Variants in ABCB11 observed in about 807,000 individuals in gnomAD.
The protein encoded by ABCB11 is bile salt export pump.
A neutral mutation model predicts 148.0 loss-of-function variants in ABCB11; 95 were observed. The ratio of observed to expected loss-of-function variants is 0.64; its 90% CI spans 0.54 to 0.76. The LOEUF is 0.76. Among genes scored for constraint, ABCB11 ranks in the 30% least tolerant of loss-of-function variants. The pLI, the probability that ABCB11 is intolerant of heterozygous loss-of-function variation, is 0.00. For missense variants in ABCB11, 1,523 were observed against 1,617.8 expected, an observed-to-expected ratio of 0.94 and a Z score of 1.01; for synonymous variants, 591 against 555.4, an observed-to-expected ratio of 1.06 and a Z score of -0.90.
At position 168,944,672 on chromosome 2, in the gene ABCB11, T is replaced by C. The variant is rs1284932204; in HGVS notation, c.2543A>G (p.Asp848Gly). The change falls in exon 21 of 28, where the codon GAT becomes GGT. Residue 848 changes from aspartate (D) to glycine (G), a missense_variant. Physicochemically the swap from Asp to Gly is moderately conservative, Grantham distance 94. Transcript: ENST00000650372. ...AMLGQDIAWF[D>G]DLRNSPGALT... ...TGCTCCAGGGCTATTTCTGAGGTCA[T>C]CAAACCAGGCAATATCTTGCCCCAG... 3.1e-6 allele frequency: 5 copies of C among 1,612,710 alleles called. No individual in the cohort carries two copies. The highest frequency in any genetic ancestry group is 4.2e-6 in the Non-Finnish European group (5 of 1,179,218).
intron 21 of ABCB11, among the ~76,000 whole-genome samples, chr2:168,936,739 A>T (rs891425496): frequency 1.3e-5 from 2 of 152,118 alleles, no homozygotes; most frequent in African/African-American, 4.8e-5. Context: ...CTGTCTGTAT[A>T]AATTTGCCTA....
At chr2:168,934,347 T>G (rs887521951) in intron 23 of ABCB11, among the ~76,000 whole-genome samples, 3 of 152,044 alleles carry the variant, frequency 2.0e-5, no homozygotes, top group Admixed American at 1.3e-4. Context: ...ATAGGACCAC[T>G]TTTCCTAATG....
Position 168,995,478 on chromosome 2 carries a change from C to T in ABCB11, c.482G>A (p.Cys161Tyr). The change falls in exon 7 of 28, where the codon TGC becomes TAC. Residue 161 changes from cysteine (C) to tyrosine (Y), a missense_variant. Physicochemically the swap from Cys to Tyr is radical, Grantham distance 194 (BLOSUM62 -2). Transcript: ENST00000650372. ...ACGAGCTGCGGCAATGACCCAAAAG[C>T]ATATCTGGAAATGGACAAAGGAATG... ...AVLITGYIQI[C>Y]FWVIAAARQI... 3 of 1,609,798 alleles carry T rather than the reference C, an allele frequency of 1.9e-6. No individual in the cohort carries two copies. Among genetic ancestry groups the T allele is most frequent in the Non-Finnish European group, 2.5e-6 (3 of 1,178,006 alleles).
chr2:168,950,607 C>T (rs1484075938), intron 19 of ABCB11, among the ~76,000 whole-genome samples: 2 of 151,522 alleles, frequency 1.3e-5, no homozygotes, highest in African/African-American at 2.4e-5. Context: ...TGCTCATGTC[C>T]TTCACCTACC....
rs562168377 is a variant in ABCB11, at chr2:168,931,547, T to C, written c.3214-685A>G. On this transcript the variant is annotated intron_variant, in intron 24 of 27. Coordinates refer to ENST00000650372, the MANE Select transcript of ABCB11 (RefSeq NM_003742.4). The stretch of plus-strand genomic sequence containing the variant: ...CCTATCTATCAATTAGAAGAACAGA[T>C]ATTTTGTTGAGATTGAATTAATTTT... Among the ~76,000 whole-genome samples, 5 of 152,324 alleles carry C rather than the reference T, an allele frequency of 3.3e-5. No homozygotes were observed. The East Asian group carries it at 9.7e-4, about 29-fold the overall frequency.
chr2:168,940,312 A>C (rs1020713840), intron 21 of ABCB11, among the ~76,000 whole-genome samples: 3 of 152,144 alleles, frequency 2.0e-5, no homozygotes, highest in African/African-American at 4.8e-5. Flanking sequence ...TTCTTGAAGG[A>C]AATTAAAAGT....
At chr2:168,971,263 G>A (rs1693567192) in intron 14 of ABCB11, among the ~76,000 whole-genome samples, 1 of 151,976 alleles carries the variant, frequency 6.6e-6, no homozygotes, top group African/African-American at 2.4e-5. Context: ...AACAGTGCCT[G>A]GTATGTAGTA....
At chr2:168,969,126 A>AG (rs1693449873) in intron 16 of ABCB11, among the ~76,000 whole-genome samples, 1 of 148,902 alleles carries the variant, frequency 6.7e-6, no homozygotes, top group Non-Finnish European at 1.5e-5. Flanking sequence ...TAAAAAAAAA[A>AG]AAAAAGGGGG....
At chr2:169,031,166 A>G (rs1430066252) in intron 1 of ABCB11, 59 bp downstream of exon 1, 1 of 152,216 alleles carries the variant, frequency 6.6e-6, no homozygotes, top group Non-Finnish European at 1.5e-5. Flanking sequence ...TCCACTCCAC[A>G]AAGTAAGAGT....
intron 19 of ABCB11, among the ~76,000 whole-genome samples, chr2:168,950,603 T>A (rs527951461): frequency 6.6e-6 from 1 of 151,786 alleles, no homozygotes; most frequent in Non-Finnish European, 1.5e-5. Flanking sequence ...TATCTGCTCA[T>A]GTCCTTCACC....
At chr2:168,946,257 A>C (rs1692301737) in intron 19 of ABCB11, among the ~76,000 whole-genome samples, 1 of 151,894 alleles carries the variant, frequency 6.6e-6, no homozygotes, top group Non-Finnish European at 1.5e-5. Context: ...GTGTCAACAA[A>C]TAGTTGTTCA....
At chr2:169,007,390 C>A (rs1695053989) in intron 5 of ABCB11, among the ~76,000 whole-genome samples, 1 of 152,144 alleles carries the variant, frequency 6.6e-6, no homozygotes, top group African/African-American at 2.4e-5. Flanking sequence ...TAGTTCATCT[C>A]ACACTGCTAT....
intron 19 of ABCB11, among the ~76,000 whole-genome samples, chr2:168,952,360 A>C (rs970253258): frequency 1.3e-5 from 2 of 149,260 alleles, no homozygotes; most frequent in African/African-American, 4.9e-5. Flanking sequence ...CTGGGCTTTT[A>C]TTTTTTTTTG....
chr2:168,991,396 G>T (rs1694516408), intron 8 of ABCB11, among the ~76,000 whole-genome samples: 2 of 152,030 alleles, frequency 1.3e-5, no homozygotes, highest in Admixed American at 1.3e-4. Context: ...TTCCAGAAAA[G>T]AAAGTCCATT....
exon 3 of ABCB11, among the ~76,000 whole-genome samples, chr2:168,915,548 T>C (rs1324148925): frequency 6.6e-6 from 1 of 152,254 alleles, no homozygotes; most frequent in Non-Finnish European, 1.5e-5. Context: ...CTTTTTCTTC[T>C]GTAACAAGAT....
At chr2:168,992,366 G>C (rs896652274) in intron 8 of ABCB11, among the ~76,000 whole-genome samples, 1 of 151,986 alleles carries the variant, frequency 6.6e-6, no homozygotes, top group African/African-American at 2.4e-5. Context: ...ACGTGAGTGT[G>C]TATATTACTT....
chr2:168,977,346 G>A (rs983712668), intron 11 of ABCB11, among the ~76,000 whole-genome samples: 1 of 152,100 alleles, frequency 6.6e-6, no homozygotes, highest in Non-Finnish European at 1.5e-5. Context: ...CAACCAATCG[G>A]GGGTCCGAGG....
At chr2:169,019,070 T>G (rs961147075) in intron 1 of ABCB11, among the ~76,000 whole-genome samples, 1 of 152,100 alleles carries the variant, frequency 6.6e-6, no homozygotes. Context: ...GGAGCTAATG[T>G]GGGCCCCATG....
At chr2:169,006,533 G>A (rs1308718152) in intron 5 of ABCB11, among the ~76,000 whole-genome samples, 4 of 151,416 alleles carry the variant, frequency 2.6e-5, no homozygotes, top group Non-Finnish European at 5.9e-5. Context: ...CTGGAGGTTT[G>A]GGCCAAAACA....
Sources: gnomAD v4.1 joint callset for allele counts (sites outside exome capture counted in the v4.1 genomes callset) on GRCh38, gnomAD v4.1.1 for gene constraint, MANE v1.5 for transcripts, NCBI Gene and HGNC (gene_info 2026-07-23, HGNC 2026-07-21) for gene names.